PRKG1: variants seen among roughly 807,000 people sequenced by gnomAD.
PRKG1 encodes protein kinase cGMP-dependent 1.
Under a neutral mutation model 88.1 loss-of-function variants are expected in PRKG1, and 35 were observed. That is an observed-to-expected ratio of 0.40 (90% CI 0.30 to 0.53). The LOEUF (loss-of-function observed/expected upper bound fraction) is 0.53, where lower values mean the gene tolerates loss of function less well. PRKG1 is among the 20% of genes least tolerant of loss of function. The pLI is 0.59. For missense variants in PRKG1, 540 were observed against 839.8 expected (o/e 0.64, Z 4.41); for synonymous variants, 303 against 292.5 (o/e 1.04, Z -0.37).
At chr10:51,683,181 A>G (rs1219094039) in intron 3 of PRKG1, among the ~76,000 whole-genome samples, 1 of 152,140 alleles carries the variant, frequency 6.6e-6, no homozygotes, top group African/African-American at 2.4e-5. Flanking sequence ...CCATCAAGAA[A>G]ATGCACATCA....
intron 7 of PRKG1, among the ~76,000 whole-genome samples, chr10:52,063,175 A>G (rs1482136358): frequency 1.3e-5 from 2 of 152,200 alleles, no homozygotes; most frequent in East Asian, 3.9e-4. Flanking sequence ...CACATCTTCA[A>G]GGGAGACTGC....
intron 2 of PRKG1, among the ~76,000 whole-genome samples, chr10:51,190,304 T>C (rs182434719): frequency 1.3e-4 from 20 of 152,090 alleles, no homozygotes; most frequent in Non-Finnish European, 1.8e-4. Flanking sequence ...TGATGGATTA[T>C]GAAAATTATT....
intron 3 of PRKG1, among the ~76,000 whole-genome samples, chr10:51,660,474 G>T (rs1352442348): frequency 6.6e-6 from 1 of 151,808 alleles, no homozygotes; most frequent in Admixed American, 6.6e-5. Flanking sequence ...CAATGTAAAG[G>T]TATCACGGTA....
intron 3 of PRKG1, among the ~76,000 whole-genome samples, chr10:51,497,436 T>C (rs1840891004): frequency 1.3e-5 from 2 of 152,086 alleles, no homozygotes; most frequent in Non-Finnish European, 2.9e-5. Flanking sequence ...CAGCTTGTAG[T>C]CTAGTGGGAG....
At chr10:51,726,826 G>T (rs1045735011) in intron 3 of PRKG1, among the ~76,000 whole-genome samples, 1 of 152,128 alleles carries the variant, frequency 6.6e-6, no homozygotes, top group Non-Finnish European at 1.5e-5. Flanking sequence ...GCCCAGGCTG[G>T]AGTGCAGTGG....
chr10:51,752,539 A>T (rs964879517), intron 3 of PRKG1, among the ~76,000 whole-genome samples: 1 of 152,154 alleles, frequency 6.6e-6, no homozygotes, highest in Admixed American at 6.5e-5. Flanking sequence ...TAAGAACAAG[A>T]GCTCTTGGCT....
At chr10:51,723,008 T>C (rs2132454808) in intron 3 of PRKG1, among the ~76,000 whole-genome samples, 1 of 152,340 alleles carries the variant, frequency 6.6e-6, no homozygotes. Context: ...TTTTCTTTCA[T>C]GAAAGTATGA....
At chr10:52,058,176 G>A (rs1846154242) in intron 6 of PRKG1, among the ~76,000 whole-genome samples, 1 of 151,764 alleles carries the variant, frequency 6.6e-6, no homozygotes, top group Non-Finnish European at 1.5e-5. Context: ...AATAGCTATT[G>A]GTCACACTTG....
chr10:51,548,350 A>G (rs543786306), intron 3 of PRKG1, among the ~76,000 whole-genome samples: 11 of 152,140 alleles, frequency 7.2e-5, no homozygotes, highest in Non-Finnish European at 1.5e-4. Context: ...CTAAGTCCTT[A>G]TATCTGTCTA....
intron 9 of PRKG1, among the ~76,000 whole-genome samples, chr10:52,171,404 A>C (rs1021054076): frequency 6.6e-6 from 1 of 152,188 alleles, no homozygotes; most frequent in Non-Finnish European, 1.5e-5. Flanking sequence ...CTTGCTGACT[A>C]TCTGCAGGGT....
intron 3 of PRKG1, among the ~76,000 whole-genome samples, chr10:51,726,176 G>C (rs900558927): frequency 1.3e-5 from 2 of 151,936 alleles, no homozygotes; most frequent in African/African-American, 4.8e-5. Context: ...TTTAAAGTTT[G>C]TTTTTCCCCT....
At chr10:51,035,986 T>C (rs1265263911) in intron 1 of PRKG1, among the ~76,000 whole-genome samples, 25 of 152,174 alleles carry the variant, frequency 1.6e-4, no homozygotes, top group Admixed American at 1.6e-3. Flanking sequence ...GGTAATTACA[T>C]AGTCTTCTGA....
At chr10:51,176,089 T>TA (rs1349541922) in intron 2 of PRKG1, among the ~76,000 whole-genome samples, 1 of 152,142 alleles carries the variant, frequency 6.6e-6, no homozygotes, top group Admixed American at 6.6e-5. Context: ...GAGATGCTCT[T>TA]AAAATATCAG....
intron 1 of PRKG1, among the ~76,000 whole-genome samples, chr10:51,102,553 C>T (rs1273851807): frequency 1.3e-5 from 2 of 152,184 alleles, no homozygotes; most frequent in African/African-American, 4.8e-5. Context: ...CATTCGGCTC[C>T]TGTTACACTG....
chr10:51,851,372 G>A (rs1288225641), intron 4 of PRKG1, among the ~76,000 whole-genome samples: 1 of 152,080 alleles, frequency 6.6e-6, no homozygotes, highest in African/African-American at 2.4e-5. Flanking sequence ...CTGGCTTCTA[G>A]TGGATATAGA....
chr10:52,003,359 T>C (rs1844648480), intron 5 of PRKG1, among the ~76,000 whole-genome samples: 1 of 151,046 alleles, frequency 6.6e-6, no homozygotes, highest in Non-Finnish European at 1.5e-5. Flanking sequence ...CTAAATCTCA[T>C]TATCCTCAAA....
chr10:51,060,013 A>G (rs2132781787), intron 1 of PRKG1, among the ~76,000 whole-genome samples: 1 of 152,260 alleles, frequency 6.6e-6, no homozygotes, highest in Non-Finnish European at 1.5e-5. Context: ...ATATAAATTT[A>G]GAATTATAAT....
At chr10:51,171,511 G>T (rs1263234070) in intron 2 of PRKG1, among the ~76,000 whole-genome samples, 1 of 152,012 alleles carries the variant, frequency 6.6e-6, no homozygotes, top group African/African-American at 2.4e-5. Context: ...GTTGAAGCTG[G>T]CTCATTACCT....
intron 2 of PRKG1, among the ~76,000 whole-genome samples, chr10:51,426,598 T>C (rs1838592928): frequency 6.6e-6 from 1 of 151,966 alleles, no homozygotes; most frequent in Admixed American, 6.6e-5. Flanking sequence ...AACCTGAAAA[T>C]ATAGAGACCT....
Sources: allele counts gnomAD v4.1 joint callset (sites outside exome capture counted in the v4.1 genomes callset), GRCh38; gene constraint gnomAD v4.1.1; transcripts MANE v1.5; gene names NCBI Gene and HGNC (gene_info 2026-07-23, HGNC 2026-07-21).